Variants in CEP63 observed in about 807,000 individuals in gnomAD.
CEP63 encodes centrosomal protein of 63 kDa.
A neutral mutation model predicts 89.1 loss-of-function variants in CEP63; 84 were observed. The ratio of observed to expected loss-of-function variants is 0.94; its 90% confidence interval spans 0.79 to 1.13. The LOEUF (loss-of-function observed/expected upper bound fraction) is 1.13. Ranked by LOEUF, CEP63 falls within the 50% of genes most tolerant of loss-of-function variation. The pLI is 0.00. For synonymous variants in CEP63, 267 were observed against 272.5 expected, an observed-to-expected ratio of 0.98 and a Z score of 0.20; for missense variants, 838 against 813.3, an observed-to-expected ratio of 1.03 and a Z score of -0.37.
At chr3:134,581,875 C>G (rs1958361603) in intron 10 of CEP63, among the ~76,000 whole-genome samples, 1 of 151,354 alleles carries the variant, frequency 6.6e-6, no homozygotes, top group Non-Finnish European at 1.5e-5. Flanking sequence ...CGGGGTTTCA[C>G]CGTGTTAGCC....
chr3:134,738,845 C>T, the CEP63 span, among the ~76,000 whole-genome samples: 1 of 152,092 alleles, frequency 6.6e-6, no homozygotes, highest in Admixed American at 6.6e-5. Flanking sequence ...AATAGCGTTT[C>T]TCTAAAGAAT....
chr3:134,542,710 C>A (rs887071513), intron 6 of CEP63, among the ~76,000 whole-genome samples: 7 of 152,198 alleles, frequency 4.6e-5, no homozygotes, highest in African/African-American at 1.7e-4. Flanking sequence ...TCAACCCCCA[C>A]TCCCCAATTT....
At chr3:134,752,280 A>G in the CEP63 span, among the ~76,000 whole-genome samples, 1 of 152,184 alleles carries the variant, frequency 6.6e-6, no homozygotes, top group African/African-American at 2.4e-5. Context: ...GCATATGGAC[A>G]TTTGGGAGGA....
the CEP63 span, among the ~76,000 whole-genome samples, chr3:134,598,249 C>T: frequency 6.6e-6 from 1 of 152,070 alleles, no homozygotes; most frequent in African/African-American, 2.4e-5. Flanking sequence ...ACTATTATGC[C>T]TCTGGGGCCT....
the CEP63 span, among the ~76,000 whole-genome samples, chr3:134,677,649 TA>T: frequency 2.3e-3 from 357 of 152,238 alleles, no homozygotes; most frequent in Non-Finnish European, 3.4e-3. Flanking sequence ...GGGTTAACCC[TA>T]ACTGCTCTCA....
intron 5 of CEP63, among the ~76,000 whole-genome samples, chr3:134,533,838 ATAT>A (rs1023716011): frequency 6.6e-6 from 1 of 152,220 alleles, no homozygotes; most frequent in Non-Finnish European, 1.5e-5. Context: ...AAATGCCAGT[ATAT>A]TATTATTACT....
At chr3:134,602,738 A>C in the CEP63 span, among the ~76,000 whole-genome samples, 470 of 152,254 alleles carry the variant, frequency 3.1e-3, 4 homozygotes, top group Middle Eastern at 0.024. Context: ...TCCAGGCCTT[A>C]GACTGAACTA....
the CEP63 span, among the ~76,000 whole-genome samples, chr3:134,762,543 C>G: frequency 6.6e-6 from 1 of 152,150 alleles, no homozygotes; most frequent in Middle Eastern, 3.4e-3. Flanking sequence ...AGTAAGAGTC[C>G]TACTCCAGTA....
At chr3:134,653,789 T>G in the CEP63 span, among the ~76,000 whole-genome samples, 1 of 152,166 alleles carries the variant, frequency 6.6e-6, no homozygotes, top group Admixed American at 6.5e-5. Flanking sequence ...ACGCTCAGCC[T>G]GCAAATCTCC....
the CEP63 span, among the ~76,000 whole-genome samples, chr3:134,726,455 GACAGACACACACAC>G: frequency 2.9e-4 from 15 of 51,066 alleles, no homozygotes; most frequent in South Asian, 1.1e-3. Context: ...CAGGCACACA[GACAGACACACACAC>G]ACACACACAC....
chr3:134,654,173 AG>A, the CEP63 span, among the ~76,000 whole-genome samples: 3 of 152,160 alleles, frequency 2.0e-5, no homozygotes, highest in Non-Finnish European at 4.4e-5. Flanking sequence ...GAGATTTGTC[AG>A]TTGTCTGAAT....
chr3:134,707,028 C>T, the CEP63 span, among the ~76,000 whole-genome samples: 29 of 152,200 alleles, frequency 1.9e-4, no homozygotes, highest in Admixed American at 1.9e-3. Flanking sequence ...ACCCTATTTC[C>T]AAAAAAGTCA....
chr3:134,641,359 A>G, the CEP63 span: 2 of 152,194 alleles, frequency 1.3e-5, no homozygotes, highest in Non-Finnish European at 2.9e-5. Flanking sequence ...GACCATCCTG[A>G]TTATCTGGCT....
chr3:134,722,401 CT>C, the CEP63 span, among the ~76,000 whole-genome samples: 264 of 152,090 alleles, frequency 1.7e-3, no homozygotes, highest in African/African-American at 6.0e-3. Flanking sequence ...GTAGTGATGT[CT>C]TCTCTTTCAT....
intron 3 of CEP63, among the ~76,000 whole-genome samples, chr3:134,513,575 G>T (rs1945501472): frequency 6.6e-6 from 1 of 152,048 alleles, no homozygotes; most frequent in African/African-American, 2.4e-5. Context: ...GGTGTGTCCA[G>T]GGTTTGGGGC....
At chr3:134,706,369 A>T in the CEP63 span, among the ~76,000 whole-genome samples, 1 of 152,160 alleles carries the variant, frequency 6.6e-6, no homozygotes, top group Non-Finnish European at 1.5e-5. Flanking sequence ...TTACTTATAC[A>T]GGTCTCAGTT....
intron 3 of CEP63, among the ~76,000 whole-genome samples, chr3:134,528,316 G>T (rs953233333): frequency 2.0e-5 from 3 of 152,098 alleles, no homozygotes; most frequent in Admixed American, 2.0e-4. Flanking sequence ...CCTCCTGGCT[G>T]TGTCTAGTCA....
chr3:134,538,531 G>GTATATATATATATATATATATATATA (rs138354332), intron 6 of CEP63, among the ~76,000 whole-genome samples: 4,888 of 98,252 alleles, frequency 0.05, 411 homozygotes, highest in East Asian at 0.26. Flanking sequence ...TTGTGTGTGT[G>GTATATATATATATATATATATATATA]TGTATATATA....
At chr3:134,627,518 T>C in the CEP63 span, among the ~76,000 whole-genome samples, 30 of 152,348 alleles carry the variant, frequency 2.0e-4, no homozygotes, top group South Asian at 5.6e-3. Flanking sequence ...GCCTTGTTAT[T>C]GGTGGGGTTT....
Sources: gnomAD v4.1 joint callset for allele counts (sites outside exome capture counted in the v4.1 genomes callset) on GRCh38, gnomAD v4.1.1 for gene constraint, MANE v1.5 for transcripts, NCBI Gene and HGNC (gene_info 2026-07-23, HGNC 2026-07-21) for gene names.